Variants in STARD9 observed in about 807,000 individuals in gnomAD.
STARD9 encodes the protein stAR-related lipid transfer protein 9.
A neutral mutation model predicts 399.8 loss-of-function variants in STARD9; 346 were observed. The ratio of observed to expected loss-of-function variants is 0.87; its 90% confidence interval spans 0.79 to 0.95. The LOEUF is 0.95. STARD9 is among the 40% of genes least tolerant of loss of function. STARD9 has a pLI of 0.00. For synonymous variants in STARD9, 2,203 were observed against 2,143.5 expected (o/e 1.03, Z -0.77); for missense variants, 5,832 against 5,667.5 (o/e 1.03, Z -0.93).
rs2060013269 is a variant in STARD9, at chr15:42,662,651, T to C, written c.771-143T>C. On this transcript the variant is annotated intron_variant, in intron 10 of 32. Coordinates refer to ENST00000290607, the MANE Select transcript of STARD9 (RefSeq NM_020759.3). ...TCATTACAAAATGGTAACATTTTCT[T>C]CTGGAACTGAATTCTAAAAGGAATT... 7.5e-6 allele frequency: 4 copies of C among 531,922 alleles called. No homozygotes were observed. The East Asian group carries it at 1.3e-4, about 17-fold the overall frequency. 33.0% of individuals were successfully genotyped at this position (531,922 alleles called of 1,614,324 possible).
chr15:42,685,735 C>T lies in STARD9; in HGVS notation c.4157C>T (p.Ser1386Leu), dbSNP rs2060537936. ...YWPNTEELKPSDAETVLPYSS... is the reference protein window; with the variant it reads ...YWPNTEELKPLDAETVLPYSS... ...CCAAATACTGAGGAACTAAAGCCAT[C>T]AGATGCAGAAACGGTTCTGCCATAT... is the stretch of plus-strand genomic sequence containing the variant. The change falls in exon 23 of 33, where the codon TCA becomes TTA. Residue 1386 changes from serine to leucine, a missense_variant. Ser to Leu is a moderately radical substitution (Grantham distance 145, BLOSUM62 -2). Coordinates refer to ENST00000290607, the MANE Select transcript of STARD9 (RefSeq NM_020759.3). 2 of 1,537,300 alleles carry T rather than the reference C, an allele frequency of 1.3e-6. No individual in the cohort carries two copies.
Position 42,685,854 on chromosome 15 carries a change from T to TG in STARD9, c.4280dup (p.Ile1428AsnfsTer10), listed in dbSNP as rs1178350631. ...TGCTGATACGTCTAGGCTGTCTCTC[T>TG]GGGGAATTCAAAGGCTTATTCAACC... On this transcript the variant is annotated frameshift_variant, in exon 23 of 33. Transcript: ENST00000290607. LOFTEE classifies it high-confidence loss of function. The TG allele has an allele frequency of 2.0e-6, 3 of 1,537,140 alleles. No homozygotes were observed. The highest frequency in any genetic ancestry group is 2.6e-6 in the Non-Finnish European group (3 of 1,146,920).
intron 16 of STARD9, among the ~76,000 whole-genome samples, chr15:42,673,743 A>G (rs1278898766): frequency 6.6e-6 from 1 of 152,172 alleles, no homozygotes; most frequent in Non-Finnish European, 1.5e-5. Context: ...GCCTTTTCCT[A>G]ACATAGCTAT....
Position 42,575,624 on chromosome 15 carries a change from CGGGGCTGGGTT to C in STARD9, c.-84_-74del, listed in dbSNP as rs1161767650. 2 of 1,377,098 alleles carry C rather than the reference CGGGGCTGGGTT, an allele frequency of 1.5e-6. No individual in the cohort carries two copies. Among genetic ancestry groups the C allele is most frequent in the African/African-American group, 3.0e-5 (2 of 67,598 alleles). 85.3% of individuals were successfully genotyped at this position (1,377,098 alleles called of 1,614,324 possible). ...CGTCCCCAGAGGCGCGTGGGGCGGG[CGGGGCTGGGTT>C]GGGGCTGTGTCTGGGCTTAGGGCGG... On this transcript the variant is annotated 5_prime_UTR_variant, in exon 1 of 33. Coordinates refer to ENST00000290607, the MANE Select transcript of STARD9 (RefSeq NM_020759.3).
intron 3 of STARD9, among the ~76,000 whole-genome samples, chr15:42,594,264 T>G (rs2058462500): frequency 6.6e-6 from 1 of 152,184 alleles, no homozygotes; most frequent in South Asian, 2.1e-4. Flanking sequence ...GAGCCACTAT[T>G]AGTGTAGTAT....
intron 26 of STARD9, among the ~76,000 whole-genome samples, chr15:42,712,090 T>TATATAAAATATAAA (rs1566966065): frequency 3.3e-4 from 2 of 6,142 alleles, no homozygotes; most frequent in African/African-American, 1.8e-3. Context: ...ATTATATATA[T>TATATAAAATATAAA]ATATATAATA....
At chr15:42,609,901 T>C (rs1242911593) in intron 3 of STARD9, among the ~76,000 whole-genome samples, 3 of 151,992 alleles carry the variant, frequency 2.0e-5, no homozygotes, top group Non-Finnish European at 4.4e-5. Flanking sequence ...CAGACCAGCC[T>C]GGCCCATATG....
At chr15:42,632,332 G>A (rs1427530023) in intron 3 of STARD9, among the ~76,000 whole-genome samples, 1 of 152,096 alleles carries the variant, frequency 6.6e-6, no homozygotes, top group South Asian at 2.1e-4. Flanking sequence ...GTCTTTATAG[G>A]TGAAATGTGT....
intron 4 of STARD9, among the ~76,000 whole-genome samples, chr15:42,636,449 C>T (rs529636386): frequency 1.1e-4 from 16 of 152,156 alleles, no homozygotes; most frequent in South Asian, 8.3e-4. Context: ...GACATGGTGG[C>T]GTGCGCCTGT....
At position 42,589,335 on chromosome 15, in the gene STARD9, A is replaced by C. The variant is rs373463330; in HGVS notation, c.234+3698A>C. ...CCAAAGTGTTGGGATTATAGGCATG[A>C]GTCACCACGCTTGGCCAAATTCACC... On this transcript the variant is annotated intron_variant, in intron 3 of 32. Transcript: ENST00000290607. 2.0e-4 allele frequency among the ~76,000 whole-genome samples: 31 copies of C among 152,320 alleles called. No individual in the cohort carries two copies. In the East Asian group the frequency reaches 4.6e-3, roughly 23 times the overall value.
intron 31 of STARD9, 55 bp from the exon 32 acceptor site, chr15:42,718,697 G>GA: frequency 6.6e-7 from 1 of 1,519,252 alleles, no homozygotes; most frequent in Non-Finnish European, 8.8e-7. Flanking sequence ...ACGGGAGCCT[G>GA]TTCCTGTTTT....
chr15:42,613,791 C>T (rs1395436352), intron 3 of STARD9, among the ~76,000 whole-genome samples: 1 of 151,800 alleles, frequency 6.6e-6, no homozygotes, highest in African/African-American at 2.4e-5. Context: ...ATGACAAAAC[C>T]CCATCTCTAC....
At chr15:42,699,708 ATTAT>A (rs1331250101) in intron 26 of STARD9, among the ~76,000 whole-genome samples, 2 of 149,262 alleles carry the variant, frequency 1.3e-5, no homozygotes, top group African/African-American at 4.9e-5. Flanking sequence ...TTTTATTTTC[ATTAT>A]TTATTTATTT....
Position 42,695,240 on chromosome 15 carries a change from G to T in STARD9, c.13063G>T (p.Ala4355Ser), listed in dbSNP as rs1388978950. 7.2e-6 allele frequency: 11 copies of T among 1,537,006 alleles called. No homozygotes were observed. The highest frequency in any genetic ancestry group is 2.4e-5 in the East Asian group (1 of 40,920). ...CCATGAGGAGGCCAAGGTGGAGATT[G>T]CCCGGGCCCGAGACCAACTGCGGGA... ...QAHEEAKVEI[A>S]RARDQLRERT... The change falls in exon 25 of 33, where the codon GCC (alanine) becomes TCC (serine). Residue 4355 changes from alanine (A) to serine (S), a missense_variant. Around this residue, in one of 2 missense-constraint regions of STARD9, gnomAD observed 5,828 missense variants for 5,651.1 expected, o/e 1.03. Transcript: ENST00000290607.
At position 42,686,468 on chromosome 15, in the gene STARD9, A is replaced by C; in HGVS notation, c.4890A>C (p.Glu1630Asp). 6.5e-7 allele frequency: 1 copy of C among 1,537,830 alleles called. No individual in the cohort carries two copies. The highest frequency in any genetic ancestry group is 1.2e-5 in the South Asian group (1 of 84,060). Residue 1630 changes from glutamate (E) to aspartate (D), a missense_variant, in exon 23 of 33, where the codon GAA becomes GAC. Physicochemically the swap from Glu to Asp is conservative, Grantham distance 45 (BLOSUM62 2). Coordinates refer to ENST00000290607, the MANE Select transcript of STARD9 (RefSeq NM_020759.3). ...GTGAAGTCAAGCAGAACAACTTGGA[A>C]GAATGCCTTCAGAGTTGCAGGAAAC... ...EACEVKQNNL[E>D]ECLQSCRKPG...
At chr15:42,619,978 T>A (rs2059054765) in intron 3 of STARD9, among the ~76,000 whole-genome samples, 1 of 152,160 alleles carries the variant, frequency 6.6e-6, no homozygotes, top group South Asian at 2.1e-4. Context: ...CCAGTAGGAT[T>A]GTTTTGTTCT....
intron 26 of STARD9, among the ~76,000 whole-genome samples, chr15:42,697,083 A>G (rs575362514): frequency 1.7e-4 from 26 of 152,238 alleles, no homozygotes; most frequent in Middle Eastern, 6.8e-3. Context: ...TGAGTCTCCT[A>G]TTTGCTTTCC....
chr15:42,630,534 G>T (rs1002975050), intron 3 of STARD9, among the ~76,000 whole-genome samples: 1 of 152,050 alleles, frequency 6.6e-6, no homozygotes, highest in African/African-American at 2.4e-5. Flanking sequence ...TAAATGTTTG[G>T]TAAAATTCAG....
At chr15:42,598,440 G>GTT (rs796269305) in intron 3 of STARD9, among the ~76,000 whole-genome samples, 25 of 141,626 alleles carry the variant, frequency 1.8e-4, no homozygotes, top group African/African-American at 6.2e-4. Context: ...TATTCATCAT[G>GTT]TTTTTTTTTT....
Sources: gnomAD v4.1 joint callset for allele counts (sites outside exome capture counted in the v4.1 genomes callset) on GRCh38, gnomAD v4.1.1 for gene constraint, gnomAD v4.1.1 regional missense constraint, MANE v1.5 for transcripts, NCBI Gene and HGNC (gene_info 2026-07-23, HGNC 2026-07-21) for gene names.